INTS11: variants seen among roughly 807,000 people sequenced by gnomAD.
INTS11 encodes integrator complex subunit 11.
INTS11 carries 77 observed loss-of-function variants against 78.6 expected under a neutral mutation model. The ratio of observed to expected loss-of-function variants is 0.98; its 90% CI spans 0.81 to 1.18. INTS11 has a LOEUF of 1.18. INTS11 is among the 50% of genes most tolerant of loss of function. The pLI is 0.00. For missense variants in INTS11, 875 were observed against 825.9 expected (o/e 1.06, Z -0.73); for synonymous variants, 441 against 326.9 (o/e 1.35, Z -3.77).
Position 1,314,573 on chromosome 1 carries a change from G to A in INTS11, c.703-208C>T, listed in dbSNP as rs564968671. ...AGGGAGCCGCATGAGAGACAGAAGGGAGCTGCATGAGAGACAGAAGGAGCC... is the reference window on the plus strand; with the variant it reads ...AGGGAGCCGCATGAGAGACAGAAGGAAGCTGCATGAGAGACAGAAGGAGCC... On this transcript the variant is annotated intron_variant, in intron 7 of 16. Transcript: ENST00000435064. This position sits in a 1 kb window ranked among gnomAD's most constrained non-coding sequence, Gnocchi z 4.2. The A allele has an allele frequency of 3.2e-6, 2 of 628,782 alleles. No individual in the cohort carries two copies. The highest frequency in any genetic ancestry group is 1.8e-5 in the African/African-American group (1 of 54,278). 39.0% of individuals were successfully genotyped at this position (628,782 alleles called of 1,614,324 possible).
Position 1,312,208 on chromosome 1 carries a change from G to GGGGGA in INTS11, c.1607+17_1607+18insTCCCC. ...CAGGGCCCAAGGGAGTGGGGGGGGG[G>GGGGGA]CGGGGCCGGGCGCCCACCTCTTGAG... is the stretch of plus-strand genomic sequence containing the variant. On this transcript the variant is annotated intron_variant, in intron 15 of 16. Transcript: ENST00000435064. 2.7e-6 allele frequency: 3 copies of GGGGGA among 1,123,370 alleles called. No individual in the cohort carries two copies. The highest frequency in any genetic ancestry group is 1.5e-5 in the South Asian group (1 of 68,880). 69.6% of individuals were successfully genotyped at this position (1,123,370 alleles called of 1,614,324 possible).
Position 1,314,558 on chromosome 1 carries a change from A to G in INTS11, c.703-193T>C. 1 of 635,476 alleles carries G rather than the reference A, an allele frequency of 1.6e-6. No individual in the cohort carries two copies. The highest frequency in any genetic ancestry group is 2.7e-6 in the Non-Finnish European group (1 of 369,062). The allele number at this position is 635,476 out of a possible 1,614,324, so 39.4% of individuals were successfully genotyped here. On this transcript the variant is annotated intron_variant, in intron 7 of 16. Transcript: ENST00000435064. This position sits in a 1 kb window ranked among gnomAD's most constrained non-coding sequence, Gnocchi z 4.2. ...CGTATGAGAGACAGGAGGGAGCCGC[A>G]TGAGAGACAGAAGGGAGCTGCATGA...
chr1:1,320,606 G>A (rs778151381), intron 2 of INTS11, 77 bp from the exon 3 acceptor site: 240 of 1,481,472 alleles, frequency 1.6e-4, no homozygotes, highest in South Asian at 2.7e-4. Flanking sequence ...CCCAGGGAGG[G>A]GCCCCCAGGA....
rs374585056 is a variant in INTS11 at position 1,313,882 on chromosome 1, C to T, written c.807G>A (p.Thr269=). The T allele has an allele frequency of 5.1e-5, 83 of 1,612,960 alleles. No individual in the cohort carries two copies. The highest frequency in any genetic ancestry group is 6.7e-5 in the African/African-American group (5 of 74,922). ...AGTGGTTGGCCTTCTCGGTCAGCCCCGTGGAGAAGTAGATGGGCACCTTCA... is the reference window on the plus strand; with the variant it reads ...AGTGGTTGGCCTTCTCGGTCAGCCCTGTGGAGAAGTAGATGGGCACCTTCA... ...MNLKVPIYFS[T]GLTEKANHYY... Residue 269 remains threonine, a synonymous_variant, in exon 9 of 17, where the codon ACG becomes ACA. Transcript: ENST00000435064.
In INTS11 at chr1:1,312,717, G is replaced by A. The variant is rs753903464; in HGVS notation, c.1295-17C>T. 17 of 1,589,624 alleles carry A rather than the reference G, an allele frequency of 1.1e-5. No homozygotes were observed. The highest frequency in any genetic ancestry group is 1.7e-4 in the Middle Eastern group (1 of 5,996). ...AGTTGACCCCTGGACCCCGGGGGAA[G>A]AGAGAGCCTCAGCCCAGGCTGCCCG... On this transcript the variant is annotated splice_polypyrimidine_tract_variant and intron_variant, in intron 12 of 16. Coordinates refer to ENST00000435064, the MANE Select transcript of INTS11 (RefSeq NM_017871.6).
intron 1 of INTS11, chr1:1,323,310 C>T (rs1431396658): frequency 6.5e-7 from 1 of 1,537,850 alleles, no homozygotes; most frequent in African/African-American, 1.4e-5. Context: ...CTAAGGACAT[C>T]AGGATGACTG....
At position 1,324,604 on chromosome 1, in the gene INTS11, G is replaced by T. The variant is rs917339744; in HGVS notation, c.5C>A (p.Pro2His). The T allele has an allele frequency of 6.3e-7, 1 of 1,598,986 alleles. No homozygotes were observed. The highest frequency in any genetic ancestry group is 1.7e-5 in the Admixed American group (1 of 59,044). The change falls in exon 1 of 17, where the codon CCT becomes CAT. Residue 2 changes from proline (P) to histidine (H), a missense_variant. Physicochemically the swap from Pro to His is moderately conservative, Grantham distance 77. Coordinates refer to ENST00000435064, the MANE Select transcript of INTS11 (RefSeq NM_017871.6). ...ACCCAAGGGCGTGACTCTGATCTCA[G>T]GCATCGTCTCCGCCGCGCTCCCGGA... MPEIRVTPLGAG... is the reference protein window; with the variant it reads MHEIRVTPLGAG...
chr1:1,319,701 A>C, intron 3 of INTS11, 177 bp from the exon 4 acceptor site: 2 of 585,282 alleles, frequency 3.4e-6, no homozygotes, highest in South Asian at 4.3e-5. Context: ...TTTCAGTCTC[A>C]AAGTCTAGCA....
At position 1,314,207 on chromosome 1, in the gene INTS11, A is replaced by C; in HGVS notation, c.767+94T>G. 8.2e-7 allele frequency: 1 copy of C among 1,212,386 alleles called. No homozygotes were observed. The highest frequency in any genetic ancestry group is 1.2e-6 in the Non-Finnish European group (1 of 839,314). The allele number at this position is 1,212,386 out of a possible 1,614,324, so 75.1% of individuals were successfully genotyped here. On this transcript the variant is annotated intron_variant, in intron 8 of 16. Coordinates refer to ENST00000435064, the MANE Select transcript of INTS11 (RefSeq NM_017871.6). The surrounding 1 kb of genome is among the most constrained non-coding windows in gnomAD (Gnocchi z 4.2). ...CAGGACAGCAGCAAGCAGGGCCAAG[A>C]TGCCACCGCTACGCTGGACAGGGCT... is the stretch of plus-strand genomic sequence containing the variant.
intron 4 of INTS11, 85 bp downstream of exon 4, chr1:1,319,211 C>CACCCCCGCTCTGGGCTTGTGGGTCACTGG: frequency 8.1e-7 from 1 of 1,233,754 alleles, no homozygotes; most frequent in South Asian, 1.2e-5. Context: ...CCCCAGCCTT[C>CACCCCCGCTCTGGGCTTGTGGGTCACTGG]CAGAAACTGT....
chr1:1,315,952 C>T (rs1158704108), intron 4 of INTS11, among the ~76,000 whole-genome samples: 4 of 152,118 alleles, frequency 2.6e-5, no homozygotes, highest in East Asian at 1.9e-4. Context: ...CGAAAGACAA[C>T]GGACAAAAAA....
chr1:1,314,811 C>T lies in INTS11; in HGVS notation c.702+13G>A, dbSNP rs774981700. On this transcript the variant is annotated intron_variant, in intron 7 of 16. Coordinates refer to ENST00000435064, the MANE Select transcript of INTS11 (RefSeq NM_017871.6). This position sits in a 1 kb window ranked among gnomAD's most constrained non-coding sequence, Gnocchi z 4.2. ...TGGCCGAGGGCCCATGTCCCCACCCCTGCTGCAGCTACCTTCCCACCACGC... is the reference window on the plus strand; with the variant it reads ...TGGCCGAGGGCCCATGTCCCCACCCTTGCTGCAGCTACCTTCCCACCACGC... 6.2e-7 allele frequency: 1 copy of T among 1,607,162 alleles called. No individual in the cohort carries two copies. Among genetic ancestry groups the T allele is most frequent in the East Asian group, 2.2e-5 (1 of 44,678 alleles).
rs542309272 is a variant in INTS11, at chr1:1,321,109, C to G, written c.29-16G>C. The G allele has an allele frequency of 3.1e-6, 5 of 1,597,572 alleles. No individual in the cohort carries two copies. The South Asian group carries it at 5.6e-5, about 18-fold the overall frequency. On this transcript the variant is annotated splice_polypyrimidine_tract_variant and intron_variant, in intron 1 of 16. Coordinates refer to ENST00000435064, the MANE Select transcript of INTS11 (RefSeq NM_017871.6). Reference sequence around the variant, plus strand: ...TGGCCGGCCCCTACTCGAGGGAGGGCAGATGAGTCACTGCTGCGCCCCCCG... The same window carrying G: ...TGGCCGGCCCCTACTCGAGGGAGGGGAGATGAGTCACTGCTGCGCCCCCCG...
chr1:1,312,533 G>A lies in INTS11; in HGVS notation c.1403-32C>T, dbSNP rs548057356. 1.5e-4 allele frequency: 231 copies of A among 1,583,092 alleles called. 1 individual carries two copies. The South Asian group carries it at 2.4e-3, about 16-fold the overall frequency. On this transcript the variant is annotated intron_variant, in intron 13 of 16. Coordinates refer to ENST00000435064, the MANE Select transcript of INTS11 (RefSeq NM_017871.6). ...AGGAGGTGGCAGGAGCCATCAATGT[G>A]AGGGCCGCTCCCAGCCGCCTGCCCC...
chr1:1,320,393 C>G lies in INTS11; in HGVS notation c.200+63G>C, dbSNP rs925496182. On this transcript the variant is annotated intron_variant, in intron 3 of 16. Transcript: ENST00000435064. Reference sequence around the variant, plus strand: ...CTTGCCAAACGCTGCCGAGACCAAGCAAGGTGGCCCAAGCCCCACAGGCAC... The same window carrying G: ...CTTGCCAAACGCTGCCGAGACCAAGGAAGGTGGCCCAAGCCCCACAGGCAC... The G allele has an allele frequency of 3.3e-6, 5 of 1,517,006 alleles. No homozygotes were observed. In the East Asian group the frequency reaches 1.1e-4, roughly 34 times the overall value. The allele number at this position is 1,517,006 out of a possible 1,614,324, so 94.0% of individuals were successfully genotyped here. A position where few individuals can be genotyped will look rare whatever the true frequency, so the allele number is the denominator to read the frequency against.
intron 1 of INTS11, chr1:1,323,384 C>A: frequency 7.3e-7 from 1 of 1,364,878 alleles, no homozygotes. Context: ...TTTTTTCCTT[C>A]TTCACATCGT....
At chr1:1,324,481 G>T in intron 1 of INTS11, 100 bp downstream of exon 1, 2 of 1,272,620 alleles carry the variant, frequency 1.6e-6, no homozygotes, top group Non-Finnish European at 1.1e-6. Context: ...CCCGCGGCGC[G>T]CACCTGGCTC....
rs1409192344 is a variant in INTS11, at chr1:1,319,304, T to C, written c.421A>G (p.Thr141Ala). 1 of 1,612,844 alleles carries C rather than the reference T, an allele frequency of 6.2e-7. No individual in the cohort carries two copies. The highest frequency in any genetic ancestry group is 1.3e-5 in the African/African-American group (1 of 74,912). ...GGCCCTGGGAACCTGACCTGGACCG[T>C]CTGGTGGAGGTGGACAGCCACCACC... is the stretch of plus-strand genomic sequence containing the variant. Reference protein sequence around the residue: ...KKVVAVHLHQTVQVDDELEIK... With the variant: ...KKVVAVHLHQAVQVDDELEIK... Residue 141 changes from threonine to alanine, a missense_variant, in exon 4 of 17, where the codon ACG becomes GCG. Transcript: ENST00000435064.
chr1:1,314,318 G>A lies in INTS11; in HGVS notation c.750C>T (p.Ile250=), dbSNP rs1431032034. ...GCACCTACCAGAAGGTCTCCAGGAG[G>A]ATGCAGAGCTCCTGGGCGCGGCCCA... The part of the protein sequence containing the change: ...FALGRAQELC[I]LLETFWERMN... The change falls in exon 8 of 17, where the codon ATC becomes ATT. Residue 250 remains isoleucine, a synonymous_variant. Coordinates refer to ENST00000435064, the MANE Select transcript of INTS11 (RefSeq NM_017871.6). The surrounding 1 kb of genome is among the most constrained non-coding windows in gnomAD (Gnocchi z 4.2). The A allele has an allele frequency of 6.2e-6, 10 of 1,604,646 alleles. No individual in the cohort carries two copies. The highest frequency in any genetic ancestry group is 8.5e-6 in the Non-Finnish European group (10 of 1,176,698).
Sources: allele counts gnomAD v4.1 joint callset (sites outside exome capture counted in the v4.1 genomes callset), GRCh38; gene constraint gnomAD v4.1.1; non-coding constraint Gnocchi (gnomAD v3.1); transcripts MANE v1.5; gene names NCBI Gene and HGNC (gene_info 2026-07-23, HGNC 2026-07-21).